Variants in EIF2B4 observed in about 807,000 individuals in gnomAD.
The protein encoded by EIF2B4 is translation initiation factor eIF2B subunit delta.
Under a neutral mutation model 66.7 loss-of-function variants are expected in EIF2B4, and 34 were observed. The ratio of observed to expected loss-of-function variants is 0.51; its 90% confidence interval spans 0.39 to 0.68. The LOEUF (loss-of-function observed/expected upper bound fraction) is 0.68. EIF2B4 is among the 30% of genes least tolerant of loss of function. EIF2B4 has a pLI of 0.00. For synonymous variants in EIF2B4, 278 were observed against 253.6 expected (o/e 1.10, Z -0.92); for missense variants, 618 against 657.9 (o/e 0.94, Z 0.66).
At chr2:27,368,000 TAA>T (rs753903529) in intron 7 of EIF2B4, 23 bp downstream of exon 7, 9 of 1,559,350 alleles carry the variant, frequency 5.8e-6, no homozygotes, top group Non-Finnish European at 7.0e-6. Flanking sequence ...GGTTGGATCA[TAA>T]GAGAGAACAG....
chr2:27,367,668 G>C, intron 8 of EIF2B4, 78 bp downstream of exon 8: 1 of 1,587,468 alleles, frequency 6.3e-7, no homozygotes, highest in Non-Finnish European at 8.6e-7. Flanking sequence ...AAAATGAAAA[G>C]AGAGATAGAA....
At position 27,364,533 on chromosome 2, in the gene EIF2B4, G is replaced by C. The variant is rs991103916; in HGVS notation, c.1439C>G (p.Ala480Gly). 3 of 1,614,102 alleles carry C rather than the reference G, an allele frequency of 1.9e-6. No homozygotes were observed. Among genetic ancestry groups the C allele is most frequent in the African/African-American group, 2.7e-5 (2 of 74,924 alleles). ...GACTAGATTCAACAACCGTAGGGAT[G>C]CGTGGTTCTGCCAGTTAGCCAGCGC... ...HVALANWQNH[A>G]SLRLLNLVYD... Residue 480 changes from alanine (A) to glycine (G), a missense_variant, in exon 13 of 13, where the codon GCA becomes GGA. Physicochemically the swap from Ala to Gly is moderately conservative, Grantham distance 60. Coordinates refer to ENST00000347454, the MANE Select transcript of EIF2B4 (RefSeq NM_001034116.2).
rs762385642 is a variant in EIF2B4 at position 27,369,402 on chromosome 2, C to T, written c.211+12G>A. On this transcript the variant is annotated intron_variant, in intron 3 of 12. Coordinates refer to ENST00000347454, the MANE Select transcript of EIF2B4 (RefSeq NM_001034116.2). Reference sequence around the variant, plus strand: ...CCACACCCCAGCCCTTTAAAAGAGACCCCTCACTCACCTTGACATTGGGCT... The same window carrying T: ...CCACACCCCAGCCCTTTAAAAGAGATCCCTCACTCACCTTGACATTGGGCT... The T allele has an allele frequency of 6.8e-6, 11 of 1,613,916 alleles. No homozygotes were observed. Among genetic ancestry groups the T allele is most frequent in the South Asian group, 2.2e-5 (2 of 91,082 alleles).
At chr2:27,366,680 A>C in intron 11 of EIF2B4, 79 bp downstream of exon 11, 1 of 1,539,988 alleles carries the variant, frequency 6.5e-7, no homozygotes. Context: ...CAAAACTGTA[A>C]CTTTGGGAAG....
chr2:27,369,595 G>A (rs770478213), intron 2 of EIF2B4, 46 bp from the exon 3 acceptor site: 2 of 1,613,582 alleles, frequency 1.2e-6, no homozygotes, highest in South Asian at 1.1e-5. Context: ...CAATTCCAAA[G>A]GGGAACAAAT....
chr2:27,370,172 A>G, intron 1 of EIF2B4, 112 bp downstream of exon 1: 1 of 1,544,808 alleles, frequency 6.5e-7, no homozygotes, highest in Non-Finnish European at 8.7e-7. Flanking sequence ...ACCGGAGCCC[A>G]GCGTGGCGCT....
intron 4 of EIF2B4, 97 bp downstream of exon 4, chr2:27,368,909 T>A (rs1682087304): frequency 1.3e-6 from 2 of 1,518,848 alleles, no homozygotes; most frequent in South Asian, 1.1e-5. Context: ...GAACTCTGGG[T>A]CCCAAGAATG....
intron 10 of EIF2B4, 30 bp from the exon 11 acceptor site, chr2:27,366,966 A>G: frequency 6.2e-7 from 1 of 1,614,126 alleles, no homozygotes; most frequent in South Asian, 1.1e-5. Context: ...GGATTCAGTT[A>G]TAAATGTCAG....
chr2:27,368,484 G>A (rs1211865021), intron 5 of EIF2B4, 21 bp from the exon 6 acceptor site: 19 of 1,602,352 alleles, frequency 1.2e-5, no homozygotes, highest in Non-Finnish European at 1.6e-5. Context: ...CAAGGGAACA[G>A]GACCAATGGC....
Position 27,368,151 on chromosome 2 carries a change from G to T in EIF2B4, c.591-12C>A. On this transcript the variant is annotated splice_polypyrimidine_tract_variant and intron_variant, in intron 6 of 12. Transcript: ENST00000347454. ...CAGAGGATGGGATGCTGATGGGATG[G>T]CGGTGTCACATACTTTGAAAGGGAG... 9.5e-6 allele frequency: 15 copies of T among 1,571,264 alleles called. No individual in the cohort carries two copies. The highest frequency in any genetic ancestry group is 1.2e-5 in the Non-Finnish European group (14 of 1,155,778).
chr2:27,368,516 A>G (rs374326886), intron 5 of EIF2B4, 53 bp from the exon 6 acceptor site: 1 of 1,575,948 alleles, frequency 6.3e-7, no homozygotes, highest in African/African-American at 1.4e-5. Flanking sequence ...AAAGGATGGG[A>G]TAAAGCTGGA....
At chr2:27,369,374 G>A (rs1572611959) in intron 3 of EIF2B4, 40 bp downstream of exon 3, 1 of 1,613,250 alleles carries the variant, frequency 6.2e-7, no homozygotes, top group Admixed American at 1.7e-5. Flanking sequence ...CCCTCTACCA[G>A]CTCCACACCC....
chr2:27,368,283 G>A, intron 6 of EIF2B4, 89 bp downstream of exon 6: 1 of 1,374,794 alleles, frequency 7.3e-7, no homozygotes. Flanking sequence ...TTTTCCTACA[G>A]AGTCCATCTC....
rs1286825919 is a variant in EIF2B4, at chr2:27,366,670, C to CAAA, written c.1191+86_1191+88dup. 4.7e-5 allele frequency: 72 copies of CAAA among 1,530,728 alleles called. No individual in the cohort carries two copies. In the East Asian group the frequency reaches 6.1e-4, roughly 13 times the overall value. 94.8% of individuals were successfully genotyped at this position (1,530,728 alleles called of 1,614,324 possible). ...CTCCATCCTTATCTCAAAACAAAAA[C>CAAA]AAAACTGTAACTTTGGGAAGGTGAG... On this transcript the variant is annotated intron_variant, in intron 11 of 12. Transcript: ENST00000347454.
rs1485813077 is a variant in EIF2B4, at chr2:27,370,216, G to A, written c.31+68C>T. The A allele has an allele frequency of 5.8e-6, 9 of 1,540,904 alleles. No homozygotes were observed. In the Admixed American group the frequency reaches 5.9e-5, roughly 10 times the overall value. On this transcript the variant is annotated intron_variant, in intron 1 of 12. Transcript: ENST00000347454. Reference sequence around the variant, plus strand: ...GCGGCGGGGCCCAAAGGCGCTCAAGGCCCGGCACTAGCTGTCCGGAGCTCG... The same window carrying A: ...GCGGCGGGGCCCAAAGGCGCTCAAGACCCGGCACTAGCTGTCCGGAGCTCG...
At position 27,364,714 on chromosome 2, in the gene EIF2B4, T is replaced by C. The variant is rs1222241102; in HGVS notation, c.1372+4A>G. ...AGCTGGAGGCTTCTCTTTTGCCTCC[T>C]TACCTAGCTCATTAGAGACAAAGGC... On this transcript the variant is annotated splice_donor_region_variant and intron_variant, in intron 12 of 12. Transcript: ENST00000347454. 2 of 1,614,112 alleles carry C rather than the reference T, an allele frequency of 1.2e-6. No individual in the cohort carries two copies. The highest frequency in any genetic ancestry group is 1.3e-5 in the African/African-American group (1 of 74,936).
rs1341955613 is a variant in EIF2B4, at chr2:27,370,286, T to C, written c.29A>G (p.Glu10Gly). ...GGCAGGCCCGGCTCTTCACTCACCC[T>C]CGCGAACAGCCACGGCCACAGCAGC... is the stretch of plus-strand genomic sequence containing the variant. Reference protein sequence around the residue: MAAVAVAVREDSGSGMKAEL... With the variant: MAAVAVAVRGDSGSGMKAEL... The change falls in exon 1 of 13, where the codon GAG becomes GGG. Residue 10 changes from glutamate to glycine, a missense_variant and splice_region_variant. Physicochemically the swap from Glu to Gly is moderately conservative, Grantham distance 98. Coordinates refer to ENST00000347454, the MANE Select transcript of EIF2B4 (RefSeq NM_001034116.2). 7 of 1,548,172 alleles carry C rather than the reference T, an allele frequency of 4.5e-6. No individual in the cohort carries two copies. The highest frequency in any genetic ancestry group is 6.1e-6 in the Non-Finnish European group (7 of 1,149,366).
chr2:27,367,645 GAAAAT>G, intron 8 of EIF2B4, 86 bp from the exon 9 acceptor site: 1 of 1,592,834 alleles, frequency 6.3e-7, no homozygotes, highest in South Asian at 1.1e-5. Context: ...TCTTTAAAAA[GAAAAT>G]AGAACACAAA....
rs1433998363 is a variant in EIF2B4, at chr2:27,369,984, A to G, written c.32-65T>C. 3 of 1,542,998 alleles carry G rather than the reference A, an allele frequency of 1.9e-6. No homozygotes were observed. In the South Asian group the frequency reaches 3.6e-5, roughly 18 times the overall value. On this transcript the variant is annotated intron_variant, in intron 1 of 12. Transcript: ENST00000347454. ...TCCGGGAGGGTTTGGGGGCACGAGT[A>G]CTCGGCGCAGCCGGCTGCTGGGTTG...
Sources: allele counts gnomAD v4.1 joint callset, GRCh38; gene constraint gnomAD v4.1.1; transcripts MANE v1.5; gene names NCBI Gene and HGNC (gene_info 2026-07-23, HGNC 2026-07-21).